Variants in ERI1 observed in about 807,000 individuals in gnomAD.
The protein encoded by ERI1 is 3'-5' exoribonuclease 1.
ERI1 carries 39 observed loss-of-function variants against 39.7 expected under a neutral mutation model. The ratio of observed to expected loss-of-function variants is 0.98; its 90% CI spans 0.76 to 1.28. The LOEUF (loss-of-function observed/expected upper bound fraction) is 1.28. ERI1 is among the 50% of genes most tolerant of loss of function. The pLI is 0.00. For synonymous variants in ERI1, 204 were observed against 149.6 expected, an observed-to-expected ratio of 1.36 and a Z score of -2.65; for missense variants, 581 against 416.9, an observed-to-expected ratio of 1.39 and a Z score of -3.43.
chr8:9,033,433 A>G (rs1032068614), downstream of ERI1: 1 of 88 alleles, frequency 0.011, no homozygotes, highest in Non-Finnish European at 0.02. Flanking sequence ...TCTGGCCAGC[A>G]AGGCCAAAAA....
chr8:9,027,539 A>G (rs1216999021), intron 6 of ERI1, among the ~76,000 whole-genome samples: 3 of 152,178 alleles, frequency 2.0e-5, no homozygotes, highest in Non-Finnish European at 2.9e-5. Flanking sequence ...GTGACATCCA[A>G]GAAATCATTG....
intron 5 of ERI1, among the ~76,000 whole-genome samples, chr8:9,018,906 GACA>G (rs1817593689): frequency 6.6e-6 from 1 of 152,082 alleles, no homozygotes; most frequent in African/African-American, 2.4e-5. Flanking sequence ...GTTTTACCCT[GACA>G]ACGCCATTGA....
rs1342381764 is a variant in ERI1, at chr8:9,002,917, G to GGTGGCCGCTGGAGTTTGT, written c.-138_-121dup. On this transcript the variant is annotated 5_prime_UTR_variant, in exon 1 of 7. Transcript: ENST00000250263. ...ACGCCACACGCTCCCGGAAGTGGGA[G>GGTGGCCGCTGGAGTTTGT]GTGGCCGCTGGAGTTTGTGTGGCCG... 4.0e-6 allele frequency: 2 copies of GGTGGCCGCTGGAGTTTGT among 496,214 alleles called. No individual in the cohort carries two copies. Among genetic ancestry groups the GGTGGCCGCTGGAGTTTGT allele is most frequent in the Non-Finnish European group, 6.3e-6 (2 of 316,494 alleles). The allele number at this position is 496,214 out of a possible 1,614,324, so 30.7% of individuals were successfully genotyped here. A position where few individuals can be genotyped will look rare whatever the true frequency, so the allele number is the denominator to read the frequency against.
intron 3 of ERI1, among the ~76,000 whole-genome samples, chr8:9,080,436 A>G (rs963090268): frequency 6.6e-6 from 1 of 152,178 alleles, no homozygotes; most frequent in Non-Finnish European, 1.5e-5. Flanking sequence ...GCCTGGCAGT[A>G]AGAACCAGTT....
chr8:9,041,925 G>A (rs2117348054), intron 3 of ERI1, among the ~76,000 whole-genome samples: 1 of 152,238 alleles, frequency 6.6e-6, no homozygotes, highest in Non-Finnish European at 1.5e-5. Flanking sequence ...GTAGAGACGT[G>A]GTTTCACCAT....
chr8:9,025,880 A>G lies in ERI1; in HGVS notation c.808-3912A>G, dbSNP rs185067129. Among the ~76,000 whole-genome samples, 137 of 152,204 alleles carry G rather than the reference A, an allele frequency of 9.0e-4. 2 individuals are homozygous for G. The highest frequency in any genetic ancestry group is 3.1e-3 in the African/African-American group (127 of 41,526). The stretch of plus-strand genomic sequence containing the variant: ...GATAGGACCCAACTCTAAATATGAA[A>G]TTCATTTTTGTTTCATATATACCTC... On this transcript the variant is annotated intron_variant, in intron 6 of 6. Transcript: ENST00000250263.
In ERI1 at chr8:9,045,148, A is replaced by G. The variant is rs552997596; in HGVS notation, n.299+24684A>G. Among the ~76,000 whole-genome samples, 3 of 149,994 alleles carry G rather than the reference A, an allele frequency of 2.0e-5. No homozygotes were observed. In the East Asian group the frequency reaches 6.0e-4, roughly 30 times the overall value. On this transcript the variant is annotated intron_variant and non_coding_transcript_variant, in intron 3 of 3. Transcript: ENST00000518663. Reference sequence around the variant, plus strand: ...CTACTCTGGAGGCTGAGGCAGGAGAATGGCGTGAACCAGGGAGGTGGAGCT... The same window carrying G: ...CTACTCTGGAGGCTGAGGCAGGAGAGTGGCGTGAACCAGGGAGGTGGAGCT...
intron 6 of ERI1, among the ~76,000 whole-genome samples, chr8:9,024,121 C>A (rs943294768): frequency 6.6e-6 from 1 of 152,116 alleles, no homozygotes; most frequent in Non-Finnish European, 1.5e-5. Flanking sequence ...TCTATCCAGT[C>A]TTTCTTGGGG....
chr8:9,054,472 C>T (rs1005555886), intron 3 of ERI1, among the ~76,000 whole-genome samples: 23 of 152,170 alleles, frequency 1.5e-4, no homozygotes, highest in African/African-American at 4.6e-4. Flanking sequence ...GTAAGGCTCA[C>T]GGCTGACACC....
intron 6 of ERI1, among the ~76,000 whole-genome samples, chr8:9,022,254 C>G (rs1252973900): frequency 6.6e-6 from 1 of 151,852 alleles, no homozygotes; most frequent in Non-Finnish European, 1.5e-5. Context: ...TTTGCGAACC[C>G]CTTATTTAAA....
chr8:9,072,280 G>A (rs190360049), intron 3 of ERI1, among the ~76,000 whole-genome samples: 7 of 152,244 alleles, frequency 4.6e-5, no homozygotes, highest in Non-Finnish European at 1.0e-4. Flanking sequence ...GTCCTTTCTA[G>A]TGGCCTGAAG....
downstream of ERI1, among the ~76,000 whole-genome samples, chr8:9,036,696 T>A (rs1283530813): frequency 6.6e-6 from 1 of 152,170 alleles, no homozygotes; most frequent in Non-Finnish European, 1.5e-5. Context: ...AAGTCATTTT[T>A]TTTTTCTATT....
intron 3 of ERI1, 103 bp from the exon 4 acceptor site, chr8:9,016,219 G>T: frequency 1.8e-6 from 1 of 544,090 alleles, no homozygotes. Flanking sequence ...TATGCCGTGA[G>T]ATCCTATGAA....
intron 3 of ERI1, among the ~76,000 whole-genome samples, chr8:9,056,469 C>G (rs1798510599): frequency 6.6e-6 from 1 of 152,182 alleles, no homozygotes; most frequent in Non-Finnish European, 1.5e-5. Flanking sequence ...GCCAGTCATG[C>G]AGGTTGTTTT....
rs566553869 is a variant in ERI1, at chr8:9,039,530, C to T, written n.299+19066C>T. Among the ~76,000 whole-genome samples the T allele has an allele frequency of 3.9e-5, 6 of 152,210 alleles. 1 individual carries two copies. The highest frequency in any genetic ancestry group is 1.2e-4 in the African/African-American group (5 of 41,520). On this transcript the variant is annotated intron_variant and non_coding_transcript_variant, in intron 3 of 3. Coordinates refer to the ERI1 transcript ENST00000518663. ...AAAACAGTCAAGATTTAAAATTTCCCTTATTTAACTTATAACAAGTCGCAG... is the reference window on the plus strand; with the variant it reads ...AAAACAGTCAAGATTTAAAATTTCCTTTATTTAACTTATAACAAGTCGCAG...
At chr8:9,075,990 C>T (rs1487479840) in intron 3 of ERI1, among the ~76,000 whole-genome samples, 2 of 152,016 alleles carry the variant, frequency 1.3e-5, no homozygotes, top group South Asian at 2.1e-4. Flanking sequence ...TGCAGTGGCA[C>T]AATCATGCAA....
chr8:9,078,297 C>G (rs1481867490), intron 3 of ERI1, among the ~76,000 whole-genome samples: 1 of 151,952 alleles, frequency 6.6e-6, no homozygotes, highest in African/African-American at 2.4e-5. Context: ...CCCTACCGCC[C>G]TGTGTTTTTT....
rs530111388 is a variant in ERI1 at position 9,032,587 on chromosome 8, G to A, written c.*2553G>A. 1.3e-5 allele frequency: 2 copies of A among 152,196 alleles called. No individual in the cohort carries two copies. The highest frequency in any genetic ancestry group is 4.8e-5 in the African/African-American group (2 of 41,534). The allele number at this position is 152,196 out of a possible 1,614,324, so 9.4% of individuals were successfully genotyped here. A position where few individuals can be genotyped will look rare whatever the true frequency, so the allele number is the denominator to read the frequency against. ...CCTGGATTGAAACAAAAAAACACAG[G>A]CGTCACAAGCATGTTACCTATTAAG... On this transcript the variant is annotated 3_prime_UTR_variant, in exon 7 of 7. Transcript: ENST00000250263.
chr8:9,035,775 G>A (rs576464871), downstream of ERI1, among the ~76,000 whole-genome samples: 4 of 152,192 alleles, frequency 2.6e-5, no homozygotes, highest in Non-Finnish European at 5.9e-5. Flanking sequence ...CATAGGTAGT[G>A]ATTCGTCTGA....
Sources: allele counts gnomAD v4.1 joint callset (sites outside exome capture counted in the v4.1 genomes callset), GRCh38; gene constraint gnomAD v4.1.1; transcripts MANE v1.5; gene names NCBI Gene and HGNC (gene_info 2026-07-23, HGNC 2026-07-21).